Variants in EVI5 observed in about 807,000 individuals in gnomAD.
EVI5 encodes ecotropic viral integration site 5 protein homolog.
In EVI5, 73 loss-of-function variants were observed where a neutral mutation model predicts 112.0. That is an observed-to-expected ratio of 0.65 (90% CI 0.54 to 0.79). The LOEUF (loss-of-function observed/expected upper bound fraction) is 0.79, where lower values mean the gene tolerates loss of function less well. Ranked by LOEUF, EVI5 falls within the 30% of genes least tolerant of loss-of-function variation. The pLI is 0.00. For missense variants in EVI5, 900 were observed against 968.8 expected, an observed-to-expected ratio of 0.93 and a Z score of 0.94; for synonymous variants, 305 against 319.9, an observed-to-expected ratio of 0.95 and a Z score of 0.50.
chr1:92,563,731 CTTCT>C lies in EVI5; in HGVS notation c.2073_2076del (p.Glu692LysfsTer20), dbSNP rs752343287. 4.4e-6 allele frequency: 7 copies of C among 1,600,134 alleles called. No homozygotes were observed. The highest frequency in any genetic ancestry group is 4.5e-5 in the East Asian group (2 of 44,474). ...TTAAGCTGTCCTTGAAGCTTTCCTTCTTCTTTCTGTTTTGTGACAAAACAACAAA... is the reference window on the plus strand; with the variant it reads ...TTAAGCTGTCCTTGAAGCTTTCCTTCTTCTGTTTTGTGACAAAACAACAAA... On this transcript the variant is annotated frameshift_variant and splice_region_variant, in exon 19 of 20. Transcript: ENST00000684568. LOFTEE classifies it high-confidence loss of function.
chr1:92,672,357 A>G (rs192265878), intron 10 of EVI5, among the ~76,000 whole-genome samples: 294 of 152,230 alleles, frequency 1.9e-3, no homozygotes, highest in African/African-American at 6.7e-3. Context: ...CTCATCATTC[A>G]TGCTGTCCCA....
rs183338151 is a variant in EVI5 at position 92,546,773 on chromosome 1, G to A, written c.2166+16869C>T. ...AAGAAGGCCATTACATAATGGTAAA[G>A]GGATCAATTCAACAAGAAGAGCTAA... On this transcript the variant is annotated intron_variant, in intron 19 of 19. Transcript: ENST00000684568. Among the ~76,000 whole-genome samples the A allele has an allele frequency of 4.4e-3, 664 of 152,182 alleles. 2 individuals carry two copies. The highest frequency in any genetic ancestry group is 0.015 in the African/African-American group (643 of 41,518).
At chr1:92,527,652 G>C (rs940896564) in intron 19 of EVI5, among the ~76,000 whole-genome samples, 1 of 152,006 alleles carries the variant, frequency 6.6e-6, no homozygotes, top group South Asian at 2.1e-4. Context: ...CCCTACACTC[G>C]TCCAAAGGTA....
At chr1:92,532,802 T>A (rs1220128195) in intron 19 of EVI5, among the ~76,000 whole-genome samples, 1 of 152,140 alleles carries the variant, frequency 6.6e-6, no homozygotes, top group African/African-American at 2.4e-5. Context: ...GAGGGAAATT[T>A]ATAGCACCTA....
intron 19 of EVI5, among the ~76,000 whole-genome samples, chr1:92,535,288 G>C (rs960482732): frequency 6.6e-6 from 1 of 152,174 alleles, no homozygotes; most frequent in Admixed American, 6.5e-5. Flanking sequence ...GGAGAAATAG[G>C]AACACTTTTA....
chr1:92,681,547 T>C (rs1667588970), intron 9 of EVI5, among the ~76,000 whole-genome samples: 1 of 152,300 alleles, frequency 6.6e-6, no homozygotes, highest in East Asian at 1.9e-4. Flanking sequence ...CCTTTGTACC[T>C]ATTACCGTTC....
chr1:92,535,404 C>G (rs1000675912), intron 19 of EVI5, among the ~76,000 whole-genome samples: 1 of 152,182 alleles, frequency 6.6e-6, no homozygotes, highest in African/African-American at 2.4e-5. Flanking sequence ...AATCCCCTTA[C>G]TGGGTATATA....
intron 19 of EVI5, among the ~76,000 whole-genome samples, chr1:92,533,681 C>T (rs1663298610): frequency 6.6e-6 from 1 of 152,068 alleles, no homozygotes; most frequent in African/African-American, 2.4e-5. Flanking sequence ...ATGACAAAAA[C>T]CACGTTTATC....
chr1:92,643,499 T>C (rs1327711545), intron 13 of EVI5, among the ~76,000 whole-genome samples: 3 of 152,094 alleles, frequency 2.0e-5, no homozygotes, highest in Non-Finnish European at 4.4e-5. Flanking sequence ...GGTCTTGAAC[T>C]CCCGGCCTCA....
chr1:92,671,078 C>A (rs183378655), intron 10 of EVI5, among the ~76,000 whole-genome samples: 20 of 152,076 alleles, frequency 1.3e-4, no homozygotes, highest in Non-Finnish European at 2.6e-4. Context: ...CATAATTACC[C>A]TCTCTAGCTA....
At chr1:92,559,055 A>C (rs1668114178) in intron 19 of EVI5, among the ~76,000 whole-genome samples, 1 of 152,138 alleles carries the variant, frequency 6.6e-6, no homozygotes, top group Non-Finnish European at 1.5e-5. Flanking sequence ...CCTTATATCA[A>C]ATGGCATATT....
intron 2 of EVI5, among the ~76,000 whole-genome samples, chr1:92,725,546 A>C (rs1675435645): frequency 6.6e-6 from 1 of 152,100 alleles, no homozygotes; most frequent in Admixed American, 6.6e-5. Context: ...AACACGGTGA[A>C]ACCCCATCTC....
intron 1 of EVI5, chr1:92,749,066 C>CAA (rs60282362): frequency 1.1e-3 from 111 of 104,464 alleles, no homozygotes; most frequent in Middle Eastern, 4.4e-3. Flanking sequence ...AACTCTGTCT[C>CAA]AAAAAAAAAA....
intron 1 of EVI5, chr1:92,757,064 G>A (rs112962309): frequency 5.5e-6 from 1 of 182,856 alleles, no homozygotes; most frequent in Non-Finnish European, 1.2e-5. Context: ...AATGACATCA[G>A]AACTCTTCAG....
intron 13 of EVI5, among the ~76,000 whole-genome samples, chr1:92,640,575 A>T (rs564564474): frequency 6.6e-6 from 1 of 152,194 alleles, no homozygotes; most frequent in African/African-American, 2.4e-5. Flanking sequence ...TGCCAATCAG[A>T]ATGGCAATTA....
chr1:92,531,001 G>A (rs976565629), intron 19 of EVI5, among the ~76,000 whole-genome samples: 9 of 151,960 alleles, frequency 5.9e-5, no homozygotes, highest in African/African-American at 2.2e-4. Flanking sequence ...CACTAAAGGA[G>A]CATGTTCTAA....
intron 1 of EVI5, among the ~76,000 whole-genome samples, chr1:92,775,838 G>A (rs1438636824): frequency 6.6e-6 from 1 of 152,174 alleles, no homozygotes; most frequent in African/African-American, 2.4e-5. Context: ...GCCGGGCACG[G>A]TGGCTCACGC....
intron 10 of EVI5, among the ~76,000 whole-genome samples, chr1:92,675,682 C>T (rs532792922): frequency 6.6e-6 from 1 of 152,188 alleles, no homozygotes; most frequent in South Asian, 2.1e-4. Context: ...TAGGGCTGGA[C>T]GCGGTGGCTC....
At chr1:92,642,399 C>T (rs1169242313) in intron 13 of EVI5, among the ~76,000 whole-genome samples, 1 of 152,058 alleles carries the variant, frequency 6.6e-6, no homozygotes, top group Non-Finnish European at 1.5e-5. Flanking sequence ...TGGAAAAAAT[C>T]TCCGTCCAGA....
Sources: allele counts gnomAD v4.1 joint callset (sites outside exome capture counted in the v4.1 genomes callset), GRCh38; gene constraint gnomAD v4.1.1; transcripts MANE v1.5; gene names NCBI Gene and HGNC (gene_info 2026-07-23, HGNC 2026-07-21).